Variants in ZNF891 observed in about 807,000 individuals in gnomAD.
ZNF891 encodes the protein zinc finger protein 891.
For missense variants in ZNF891, 589 were observed against 632.7 expected, an observed-to-expected ratio of 0.93 and a Z score of 0.74; for synonymous variants, 199 against 209.0, an observed-to-expected ratio of 0.95 and a Z score of 0.41.
chr12:133,121,239 T>A lies in ZNF891; in HGVS notation c.680A>T (p.Lys227Ile). 6.5e-7 allele frequency: 1 copy of A among 1,535,616 alleles called. No individual in the cohort carries two copies. The highest frequency in any genetic ancestry group is 1.4e-5 in the African/African-American group (1 of 73,182). ...ATAATTGTTTATGATTGAATTGTGTTTCAAACATCCAATCTCTGAGTAACA... is the reference window on the plus strand; with the variant it reads ...ATAATTGTTTATGATTGAATTGTGTATCAAACATCCAATCTCTGAGTAACA... ...QKCYSEIGCL[K>I]HNSIINNYVK... The change falls in exon 2 of 2, where the codon AAA becomes ATA. Residue 227 changes from lysine to isoleucine, a missense_variant. Coordinates refer to ENST00000537226, the MANE Select transcript of ZNF891 (RefSeq NM_001277291.2).
In ZNF891 at chr12:133,121,408, G is replaced by A; in HGVS notation, c.511C>T (p.His171Tyr). The change falls in exon 2 of 2, where the codon CAT becomes TAT. Residue 171 changes from histidine (H) to tyrosine (Y), a missense_variant. By Grantham distance (83) the His-to-Tyr change is moderately conservative. Transcript: ENST00000537226. ...IRKQHKIPGG[H>Y]WRQMIYAPKK... The stretch of plus-strand genomic sequence containing the variant: ...GGGGCATATATCATTTGCCTCCAAT[G>A]TCCCCCTGGAATCTTATGCTGTTTT... 1 of 1,536,080 alleles carries A rather than the reference G, an allele frequency of 6.5e-7. No homozygotes were observed. The highest frequency in any genetic ancestry group is 8.7e-7 in the Non-Finnish European group (1 of 1,146,888).
intron 1 of ZNF891, among the ~76,000 whole-genome samples, chr12:133,127,275 T>C (rs1955827256): frequency 6.6e-6 from 1 of 152,080 alleles, no homozygotes; most frequent in African/African-American, 2.4e-5. Flanking sequence ...AGAAACTTCT[T>C]ATTCCTTAAA....
rs1393356478 is a variant in ZNF891 at position 133,117,077 on chromosome 12, G to A, written c.*3207C>T. 1 of 152,194 alleles carries A rather than the reference G, an allele frequency of 6.6e-6. No homozygotes were observed. The highest frequency in any genetic ancestry group is 2.4e-5 in the African/African-American group (1 of 41,438). 9.4% of individuals were successfully genotyped at this position (152,194 alleles called of 1,614,324 possible). A position where few individuals can be genotyped will look rare whatever the true frequency, so the allele number is the denominator to read the frequency against. ...CATAGACTTTGCTACTTGCTTTGCT[G>A]TCTTCTCCACTGATGGCTCTATTGA... On this transcript the variant is annotated 3_prime_UTR_variant, in exon 2 of 2. Coordinates refer to ENST00000537226, the MANE Select transcript of ZNF891 (RefSeq NM_001277291.2).
In ZNF891 at chr12:133,121,700, C is replaced by T. The variant is rs1955762605; in HGVS notation, c.219G>A (p.Leu73=). The change falls in exon 2 of 2, where the codon TTG becomes TTA. Residue 73 remains leucine (L), a synonymous_variant. Coordinates refer to ENST00000537226, the MANE Select transcript of ZNF891 (RefSeq NM_001277291.2). ...CGGAGGTGAGATTTCTATAGTTTTC[C>T]AACATCACATCTCTGTACAGACTTC... ...AQRSLYRDVM[L]ENYRNLTSVE... 1.3e-6 allele frequency: 2 copies of T among 1,536,426 alleles called. No individual in the cohort carries two copies. The highest frequency in any genetic ancestry group is 2.0e-5 in the Admixed American group (1 of 50,972).
rs751781068 is a variant in ZNF891 at position 133,120,868 on chromosome 12, T to C, written c.1051A>G (p.Lys351Glu). 4.5e-6 allele frequency: 7 copies of C among 1,543,706 alleles called. No homozygotes were observed. Among genetic ancestry groups the C allele is most frequent in the African/African-American group, 2.7e-5 (2 of 73,092 alleles). Residue 351 changes from lysine to glutamate, a missense_variant, in exon 2 of 2, where the codon AAA (lysine) becomes GAA (glutamate). Lys to Glu is a moderately conservative substitution (Grantham distance 56, BLOSUM62 1). Transcript: ENST00000537226. ...SHMGEKQYEC[K>E]ECGKVFNDSS... is the part of the protein sequence containing the mutation. Reference sequence around the variant, plus strand: ...TCATTGAACACTTTACCACATTCTTTACATTCATATTGTTTCTCACCCATG... The same window carrying C: ...TCATTGAACACTTTACCACATTCTTCACATTCATATTGTTTCTCACCCATG...
intron 1 of ZNF891, among the ~76,000 whole-genome samples, 158 bp downstream of exon 1, chr12:133,130,069 C>T (rs1362387603): frequency 6.6e-6 from 1 of 152,140 alleles, no homozygotes; most frequent in Non-Finnish European, 1.5e-5. Context: ...AGTAGCCCCT[C>T]CTCCCTCAAG....
rs1955679674 is a variant in ZNF891 at position 133,111,073 on chromosome 12, A to G, written c.*9211T>C. 2 of 152,212 alleles carry G rather than the reference A, an allele frequency of 1.3e-5. No individual in the cohort carries two copies. The highest frequency in any genetic ancestry group is 1.3e-4 in the Admixed American group (2 of 15,276). 9.4% of individuals were successfully genotyped at this position (152,212 alleles called of 1,614,324 possible). A position where few individuals can be genotyped will look rare whatever the true frequency, so the allele number is the denominator to read the frequency against. ...CAAAGAGAGGTAGCAAAACCTGCCT[A>G]TTGGGTATGATTGATTTGGAAGAAA... On this transcript the variant is annotated 3_prime_UTR_variant, in exon 2 of 2. Coordinates refer to ENST00000537226, the MANE Select transcript of ZNF891 (RefSeq NM_001277291.2).
Position 133,120,501 on chromosome 12 carries a change from G to A in ZNF891, c.1418C>T (p.Ser473Leu), listed in dbSNP as rs919667111. The change falls in exon 2 of 2, where the codon TCA (serine) becomes TTA (leucine). Residue 473 changes from serine (S) to leucine (L), a missense_variant. Ser to Leu is a moderately radical substitution (Grantham distance 145, BLOSUM62 -2). Coordinates refer to ENST00000537226, the MANE Select transcript of ZNF891 (RefSeq NM_001277291.2). ...AGTTCTTATATGCATTCTAAGGGAT[G>A]AGACCCCACTGAAAACTTTCCCACA... ...SDCGKVFSGV[S>L]SLRMHIRTHT... 1.3e-6 allele frequency: 2 copies of A among 1,589,774 alleles called. No homozygotes were observed. Among genetic ancestry groups the A allele is most frequent in the Admixed American group, 1.8e-5 (1 of 56,140 alleles).
In ZNF891 at chr12:133,122,000, G is replaced by A. The variant is rs1162070709; in HGVS notation, c.-82C>T. On this transcript the variant is annotated 5_prime_UTR_variant, in exon 2 of 2. Transcript: ENST00000537226. ...TGTGTCTCCAATCCAGTCACAGGAG[G>A]GATGCATTTCACCCGAAGTTCTCCC... 1.4e-6 allele frequency: 2 copies of A among 1,407,924 alleles called. No individual in the cohort carries two copies. Among genetic ancestry groups the A allele is most frequent in the African/African-American group, 1.4e-5 (1 of 69,576 alleles). The allele number at this position is 1,407,924 out of a possible 1,614,324, so 87.2% of individuals were successfully genotyped here.
Position 133,105,718 on chromosome 12 carries a change from C to G in ZNF891, c.*14566G>C. The G allele has an allele frequency of 6.2e-7, 1 of 1,614,082 alleles. No homozygotes were observed. The highest frequency in any genetic ancestry group is 8.5e-7 in the Non-Finnish European group (1 of 1,180,012). Reference sequence around the variant, plus strand: ...AAGTAACAGTCTCTCATCAAGAAGCCCTGGCTCAACATATGAATATCAGTA... The same window carrying G: ...AAGTAACAGTCTCTCATCAAGAAGCGCTGGCTCAACATATGAATATCAGTA... On this transcript the variant is annotated 3_prime_UTR_variant, in exon 2 of 2. Coordinates refer to ENST00000537226, the MANE Select transcript of ZNF891 (RefSeq NM_001277291.2).
intron 1 of ZNF891, among the ~76,000 whole-genome samples, chr12:133,122,508 TA>T (rs752504523): frequency 6.6e-6 from 1 of 152,204 alleles, no homozygotes; most frequent in Non-Finnish European, 1.5e-5. Context: ...TTATTGAAGT[TA>T]AAGGTGTATA....
At chr12:133,126,245 A>G (rs1955813506) in intron 1 of ZNF891, among the ~76,000 whole-genome samples, 1 of 152,066 alleles carries the variant, frequency 6.6e-6, no homozygotes, top group African/African-American at 2.4e-5. Context: ...CCCAGTACTG[A>G]GGCGGGTGGA....
intron 1 of ZNF891, among the ~76,000 whole-genome samples, chr12:133,128,613 G>A (rs938923634): frequency 5.3e-5 from 8 of 151,806 alleles, no homozygotes; most frequent in East Asian, 1.9e-4. Context: ...CCGCCTGGGC[G>A]AGAGAGAGAG....
chr12:133,127,943 CAAGA>C (rs1434067573), intron 1 of ZNF891, among the ~76,000 whole-genome samples: 4 of 152,196 alleles, frequency 2.6e-5, no homozygotes, highest in Admixed American at 1.3e-4. Context: ...AAACCTTGCA[CAAGA>C]AAGAAACATA....
Position 133,120,222 on chromosome 12 carries a change from GA to G in ZNF891, c.*61del. 7.5e-7 allele frequency: 1 copy of G among 1,327,996 alleles called. No homozygotes were observed. The highest frequency in any genetic ancestry group is 2.8e-5 in the Admixed American group (1 of 36,354). The allele number at this position is 1,327,996 out of a possible 1,614,324, so 82.3% of individuals were successfully genotyped here. On this transcript the variant is annotated 3_prime_UTR_variant, in exon 2 of 2. Transcript: ENST00000537226. ...ATCGTTCTTTTAGAGAACAAAGACTGAGACAAGGAGCTTGGAATCCACCTTA... is the reference window on the plus strand; with the variant it reads ...ATCGTTCTTTTAGAGAACAAAGACTGGACAAGGAGCTTGGAATCCACCTTA...
chr12:133,125,232 T>G (rs1303453811), intron 1 of ZNF891, among the ~76,000 whole-genome samples: 1 of 152,170 alleles, frequency 6.6e-6, no homozygotes, highest in Non-Finnish European at 1.5e-5. Context: ...AAATCCTGGC[T>G]TAAGTGATCC....
At position 133,120,759 on chromosome 12, in the gene ZNF891, T is replaced by A; in HGVS notation, c.1160A>T (p.Gln387Leu). 6.4e-7 allele frequency: 1 copy of A among 1,568,132 alleles called. No homozygotes were observed. Among genetic ancestry groups the A allele is most frequent in the Non-Finnish European group, 8.6e-7 (1 of 1,157,500 alleles). Reference sequence around the variant, plus strand: ...CATGTGAGCCTTAAGGGATGTTTTTTGACTGAAAGCTTTTCCACATTGATT... The same window carrying A: ...CATGTGAGCCTTAAGGGATGTTTTTAGACTGAAAGCTTTTCCACATTGATT... ...ECNQCGKAFS[Q>L]KTSLKAHMRT... Residue 387 changes from glutamine to leucine, a missense_variant, in exon 2 of 2, where the codon CAA becomes CTA. Physicochemically the swap from Gln to Leu is moderately radical, Grantham distance 113 (BLOSUM62 -2). Coordinates refer to ENST00000537226, the MANE Select transcript of ZNF891 (RefSeq NM_001277291.2).
At position 133,107,415 on chromosome 12, in the gene ZNF891, T is replaced by G. The variant is rs1399939783; in HGVS notation, c.*12869A>C. Reference sequence around the variant, plus strand: ...CAGAAAATGTTATAAATAAATCTTTTGGTTTATTATAAACCTTCTGCTTGC... The same window carrying G: ...CAGAAAATGTTATAAATAAATCTTTGGGTTTATTATAAACCTTCTGCTTGC... On this transcript the variant is annotated 3_prime_UTR_variant, in exon 2 of 2. Coordinates refer to ENST00000537226, the MANE Select transcript of ZNF891 (RefSeq NM_001277291.2). The G allele has an allele frequency of 6.6e-6, 1 of 152,088 alleles. No individual in the cohort carries two copies. The highest frequency in any genetic ancestry group is 1.5e-5 in the Non-Finnish European group (1 of 68,040). The allele number at this position is 152,088 out of a possible 1,614,324, so 9.4% of individuals were successfully genotyped here. A position where few individuals can be genotyped will look rare whatever the true frequency, so the allele number is the denominator to read the frequency against.
Position 133,122,138 on chromosome 12 carries a change from A to C in ZNF891, c.-106-114T>G, listed in dbSNP as rs990257436. 3.5e-5 allele frequency: 45 copies of C among 1,302,214 alleles called. No homozygotes were observed. In the African/African-American group the frequency reaches 6.1e-4, roughly 18 times the overall value. 80.7% of individuals were successfully genotyped at this position (1,302,214 alleles called of 1,614,324 possible). On this transcript the variant is annotated intron_variant, in intron 1 of 1. Coordinates refer to ENST00000537226, the MANE Select transcript of ZNF891 (RefSeq NM_001277291.2). Reference sequence around the variant, plus strand: ...TCCCCATTACCTCTCAGCAAGGTCTAACCAGCTTAAAATCTTTACTGGGAT... The same window carrying C: ...TCCCCATTACCTCTCAGCAAGGTCTCACCAGCTTAAAATCTTTACTGGGAT...
Sources: allele counts gnomAD v4.1 joint callset (sites outside exome capture counted in the v4.1 genomes callset), GRCh38; gene constraint gnomAD v4.1.1; transcripts MANE v1.5; gene names NCBI Gene and HGNC (gene_info 2026-07-23, HGNC 2026-07-21).